The following RHBDD1 variants were observed in gnomAD, a reference collection of about 807,000 sequenced individuals.
RHBDD1 encodes the protein rhomboid-related protein 4.
A neutral mutation model predicts 36.3 loss-of-function variants in RHBDD1; 38 were observed. That is an observed-to-expected ratio of 1.05 (90% confidence interval 0.81 to 1.37). RHBDD1 has a LOEUF of 1.37. Ranked by LOEUF, RHBDD1 falls within the 40% of genes most tolerant of loss-of-function variation. The pLI is 0.00. For missense variants in RHBDD1, 393 were observed against 377.6 expected, an observed-to-expected ratio of 1.04 and a Z score of -0.34; for synonymous variants, 151 against 136.5, an observed-to-expected ratio of 1.11 and a Z score of -0.74.
chr2:226,836,924 A>T (rs1471683643), intron 1 of RHBDD1, among the ~76,000 whole-genome samples: 4 of 152,230 alleles, frequency 2.6e-5, no homozygotes, highest in Non-Finnish European at 1.5e-5. Flanking sequence ...GAAGAATAGA[A>T]GTGCATTGGT....
At position 226,889,871 on chromosome 2, in the gene RHBDD1, T is replaced by G. The variant is rs188815640; in HGVS notation, c.567-16922T>G. Among the ~76,000 whole-genome samples the G allele has an allele frequency of 1.7e-3, 256 of 152,364 alleles. 1 individual carries two copies. Among genetic ancestry groups the G allele is most frequent in the African/African-American group, 5.5e-3 (227 of 41,596 alleles). Reference sequence around the variant, plus strand: ...CTCTTCCTCCTAGCTCTGTACTTCATAGTCCTAGGCCCTTGATTCAATTAC... The same window carrying G: ...CTCTTCCTCCTAGCTCTGTACTTCAGAGTCCTAGGCCCTTGATTCAATTAC... On this transcript the variant is annotated intron_variant, in intron 5 of 8. Coordinates refer to ENST00000392062, the MANE Select transcript of RHBDD1 (RefSeq NM_001167608.3).
chr2:226,861,085 C>G (rs752801680), intron 3 of RHBDD1, among the ~76,000 whole-genome samples: 2 of 152,194 alleles, frequency 1.3e-5, no homozygotes, highest in Non-Finnish European at 2.9e-5. Context: ...AAGGATAATT[C>G]AGTTTTCAGA....
intron 5 of RHBDD1, among the ~76,000 whole-genome samples, chr2:226,893,639 T>TA (rs1469168551): frequency 6.6e-6 from 1 of 152,240 alleles, no homozygotes. Flanking sequence ...AGCAAACATT[T>TA]AATAAGCATA....
At chr2:226,919,914 AGT>A (rs1949190623) in intron 8 of RHBDD1, among the ~76,000 whole-genome samples, 1 of 152,100 alleles carries the variant, frequency 6.6e-6, no homozygotes, top group African/African-American at 2.4e-5. Flanking sequence ...TGCTTTGGGT[AGT>A]ATGGACATTT....
chr2:226,961,535 T>C (rs539383031), intron 8 of RHBDD1, among the ~76,000 whole-genome samples: 1 of 133,104 alleles, frequency 7.5e-6, no homozygotes, highest in Non-Finnish European at 1.6e-5. Context: ...TCAAGTACAT[T>C]TCATGCATTT....
At chr2:226,827,803 T>C in the RHBDD1 span, among the ~76,000 whole-genome samples, 7,071 of 152,272 alleles carry the variant, frequency 0.046, 241 homozygotes, top group East Asian at 0.14. Flanking sequence ...GAGATCCACA[T>C]GTGATGGTTA....
At chr2:226,816,680 G>C in the RHBDD1 span, among the ~76,000 whole-genome samples, 1 of 152,184 alleles carries the variant, frequency 6.6e-6, no homozygotes, top group East Asian at 1.9e-4. Context: ...TGGATCACCT[G>C]AGGTTAGGAG....
chr2:226,976,365 C>T (rs979958116), intron 8 of RHBDD1, among the ~76,000 whole-genome samples: 29 of 151,038 alleles, frequency 1.9e-4, no homozygotes, highest in African/African-American at 6.3e-4. Context: ...CAAGTCGAGA[C>T]GTCTGCTTCA....
intron 8 of RHBDD1, among the ~76,000 whole-genome samples, chr2:226,972,987 A>G (rs564976168): frequency 1.0e-3 from 151 of 151,118 alleles, no homozygotes; most frequent in African/African-American, 3.4e-3. Flanking sequence ...ATGATTTTCT[A>G]TATTTATGTT....
At chr2:226,910,102 G>A (rs1948415233) in intron 7 of RHBDD1, among the ~76,000 whole-genome samples, 1 of 152,154 alleles carries the variant, frequency 6.6e-6, no homozygotes, top group Non-Finnish European at 1.5e-5. Context: ...AAGGATATGA[G>A]ATTGACACTC....
intron 8 of RHBDD1, among the ~76,000 whole-genome samples, chr2:226,949,834 G>A (rs1179372264): frequency 2.0e-5 from 3 of 152,038 alleles, no homozygotes; most frequent in Non-Finnish European, 4.4e-5. Flanking sequence ...CTGTGCACGT[G>A]TCCTTGGTGT....
rs540630877 is a variant in RHBDD1 at position 226,998,415 on chromosome 2, G to C, written c.*2893G>C. 6.6e-6 allele frequency: 1 copy of C among 152,190 alleles called. No individual in the cohort carries two copies. Among genetic ancestry groups the C allele is most frequent in the African/African-American group, 2.4e-5 (1 of 41,446 alleles). 9.4% of individuals were successfully genotyped at this position (152,190 alleles called of 1,614,324 possible). On this transcript the variant is annotated 3_prime_UTR_variant, in exon 9 of 9. Coordinates refer to ENST00000392062, the MANE Select transcript of RHBDD1 (RefSeq NM_001167608.3). Reference sequence around the variant, plus strand: ...TGGAAATTGCACTGCAAGGCAGGGCGAGAATGGGGTAGCTGGCAGACCTGG... The same window carrying C: ...TGGAAATTGCACTGCAAGGCAGGGCCAGAATGGGGTAGCTGGCAGACCTGG...
At chr2:226,920,111 A>G (rs1230240019) in intron 8 of RHBDD1, among the ~76,000 whole-genome samples, 1 of 151,754 alleles carries the variant, frequency 6.6e-6, no homozygotes, top group Non-Finnish European at 1.5e-5. Context: ...TAAATAAATA[A>G]ATAAATAAAT....
At chr2:226,879,350 GAGA>G (rs1422538411) in intron 5 of RHBDD1, among the ~76,000 whole-genome samples, 1 of 152,190 alleles carries the variant, frequency 6.6e-6, no homozygotes, top group Non-Finnish European at 1.5e-5. Context: ...TGGTGGCAAT[GAGA>G]AGAACAGGCC....
At chr2:226,979,100 C>A (rs988302914) in intron 8 of RHBDD1, among the ~76,000 whole-genome samples, 1 of 152,090 alleles carries the variant, frequency 6.6e-6, no homozygotes, top group African/African-American at 2.4e-5. Flanking sequence ...TGGCTCATTC[C>A]CAGTCCAAAA....
chr2:226,978,160 A>G (rs1954927966), intron 8 of RHBDD1, among the ~76,000 whole-genome samples: 1 of 152,226 alleles, frequency 6.6e-6, no homozygotes, highest in African/African-American at 2.4e-5. Context: ...TCAGATCCAT[A>G]GAAACAATTC....
intron 8 of RHBDD1, among the ~76,000 whole-genome samples, chr2:226,922,017 C>T (rs922618511): frequency 5.9e-5 from 9 of 151,924 alleles, no homozygotes; most frequent in Admixed American, 2.0e-4. Context: ...TGGGTGCTCC[C>T]GTGTTAGATG....
At chr2:226,961,259 A>G (rs952656617) in intron 8 of RHBDD1, among the ~76,000 whole-genome samples, 10 of 151,890 alleles carry the variant, frequency 6.6e-5, no homozygotes, top group Admixed American at 5.9e-4. Flanking sequence ...GGTATATTAT[A>G]CCCTCCTCGT....
At chr2:226,875,046 ATCTACC>A (rs1161495690) in intron 5 of RHBDD1, among the ~76,000 whole-genome samples, 1 of 152,174 alleles carries the variant, frequency 6.6e-6, no homozygotes, top group East Asian at 1.9e-4. Flanking sequence ...TTGTAGATTT[ATCTACC>A]GTAAGCCCTT....
Sources: gnomAD v4.1 joint callset for allele counts (sites outside exome capture counted in the v4.1 genomes callset) on GRCh38, gnomAD v4.1.1 for gene constraint, MANE v1.5 for transcripts, NCBI Gene and HGNC (gene_info 2026-07-23, HGNC 2026-07-21) for gene names.